Variants in XKRX observed in about 807,000 individuals in gnomAD.
XKRX encodes XK related X-linked.
In XKRX, 11 loss-of-function variants were observed where a neutral mutation model predicts 22.4. That is an observed-to-expected ratio of 0.49 (90% CI 0.31 to 0.81). XKRX has a LOEUF of 0.81. XKRX is among the 40% of genes least tolerant of loss of function. The pLI is 0.05. For synonymous variants in XKRX, 114 were observed against 132.2 expected, an observed-to-expected ratio of 0.86 and a Z score of 0.94; for missense variants, 320 against 336.5, an observed-to-expected ratio of 0.95 and a Z score of 0.38.
At chrX:100,930,325 A>AATAATAATAATG (rs1556209253), upstream of XKRX, among the ~76,000 whole-genome samples, 23 of 103,187 alleles carry the variant, frequency 2.2e-4, no homozygotes, top group African/African-American at 3.9e-4. Context: ...TAATAATAAT[A>AATAATAATAATG]ATGATGATTA....
intron 1 of XKRX, among the ~76,000 whole-genome samples, chrX:100,927,561 C>G (rs1354165484): frequency 9.0e-6 from 1 of 111,113 alleles, no homozygotes; most frequent in Admixed American, 9.6e-5. Context: ...TTCGCTTGAT[C>G]CCAGGAGATC....
At chrX:100,895,010 G>T in the XKRX span, among the ~76,000 whole-genome samples, 1 of 111,691 alleles carries the variant, frequency 9.0e-6, no homozygotes, top group East Asian at 2.8e-4. Flanking sequence ...GAATAATTCG[G>T]ATGTTAACTA....
At chrX:100,931,025 G>T (rs1031827138), upstream of XKRX, among the ~76,000 whole-genome samples, 3 of 109,006 alleles carry the variant, frequency 2.8e-5, no homozygotes, top group African/African-American at 1.0e-4. Flanking sequence ...CCAGCTACTC[G>T]GGAGGCTGAG....
At chrX:100,917,665 G>GAAAAA (rs780056515) in intron 2 of XKRX, among the ~76,000 whole-genome samples, 1 of 47,288 alleles carries the variant, frequency 2.1e-5, no homozygotes, top group East Asian at 5.8e-4. Context: ...AAGAAAGAAA[G>GAAAAA]AAAGAAAGAA....
At chrX:100,899,290 G>A in the XKRX span, among the ~76,000 whole-genome samples, 47 of 112,827 alleles carry the variant, frequency 4.2e-4, no homozygotes, top group Non-Finnish European at 1.9e-4. Flanking sequence ...CAAGGCAGGC[G>A]GATCACTTGA....
Position 100,928,829 on chromosome X carries a change from G to A in XKRX, c.-525C>T, listed in dbSNP as rs993997876. The A allele has an allele frequency of 5.3e-6, 4 of 754,542 alleles. No individual in the cohort carries two copies. The African/African-American group carries it at 9.3e-5, about 17-fold the overall frequency. The allele number at this position is 754,542 out of a possible 1,213,427, so 62.2% of individuals were successfully genotyped here. A position where few individuals can be genotyped will look rare whatever the true frequency, so the allele number is the denominator to read the frequency against. ...GCGCAGAAGAAGGAGGGCAGAAGAG[G>A]GGATTCAGTTCAGTGCCTAGGTATC... On this transcript the variant is annotated 5_prime_UTR_variant, in exon 1 of 3. Transcript: ENST00000372956.
the XKRX span, among the ~76,000 whole-genome samples, chrX:100,955,145 G>GA: frequency 2.7e-5 from 3 of 110,848 alleles, no homozygotes; most frequent in Non-Finnish European, 5.7e-5. Flanking sequence ...GACAGGAAAA[G>GA]AAAAAAAATT....
At chrX:100,911,383 C>G (rs1174951806), downstream of XKRX, 4 of 786,354 alleles carry the variant, frequency 5.1e-6, no homozygotes, top group Admixed American at 4.4e-5. Context: ...TAAATGTGAG[C>G]AAACTGGGAC....
At chrX:100,888,112 T>A in the XKRX span, 3 of 1,170,886 alleles carry the variant, frequency 2.6e-6, no homozygotes, top group African/African-American at 5.3e-5. Context: ...GGAATGACAA[T>A]CTTATCCATG....
chrX:100,907,831 A>T, the XKRX span, among the ~76,000 whole-genome samples: 13 of 111,671 alleles, frequency 1.2e-4, no homozygotes, highest in Non-Finnish European at 1.9e-4. Context: ...ATAATGTGTG[A>T]GAGTAACTGT....
chrX:100,945,136 G>A, the XKRX span, among the ~76,000 whole-genome samples: 3 of 107,619 alleles, frequency 2.8e-5, no homozygotes, highest in South Asian at 1.3e-3. Flanking sequence ...GGAGTGCAGT[G>A]GTGTGAACGT....
At chrX:100,958,776 G>C in the XKRX span, among the ~76,000 whole-genome samples, 4 of 111,820 alleles carry the variant, frequency 3.6e-5, no homozygotes, top group African/African-American at 1.3e-4. Flanking sequence ...TTACCATCAG[G>C]TCAATTCCTA....
the XKRX span, among the ~76,000 whole-genome samples, chrX:100,893,266 T>C: frequency 1.8e-3 from 202 of 111,910 alleles, 1 homozygote; most frequent in African/African-American, 6.3e-3. Flanking sequence ...ATGGTGACTA[T>C]AGTAAATAAT....
the XKRX span, among the ~76,000 whole-genome samples, chrX:100,951,123 A>C: frequency 9.3e-6 from 1 of 107,302 alleles, no homozygotes; most frequent in Non-Finnish European, 1.9e-5. Context: ...AATCCCAGCT[A>C]CTAGGGAGGC....
chrX:100,925,789 A>G (rs2085495312), intron 1 of XKRX, among the ~76,000 whole-genome samples: 1 of 112,367 alleles, frequency 8.9e-6, no homozygotes. Context: ...GGACCTTTAC[A>G]TCACCCAGTC....
Position 100,928,176 on chromosome X carries a change from C to G in XKRX, c.129G>C (p.Leu43Phe). Residue 43 changes from leucine (L) to phenylalanine (F), a missense_variant, in exon 1 of 3, where the codon TTG becomes TTC. Leu to Phe is a conservative substitution (Grantham distance 22, BLOSUM62 0). Transcript: ENST00000372956. The part of the protein sequence containing the change: ...FPFSILFSTF[L>F]YCGEAASALY... ...AAGCAGATGCAGCCTCCCCACAGTA[C>G]AAAAAGGTGGAGAAAAGGATGCTAA... The G allele has an allele frequency of 1.7e-6, 2 of 1,211,660 alleles. No individual in the cohort carries two copies. Among genetic ancestry groups the G allele is most frequent in the Non-Finnish European group, 2.2e-6 (2 of 895,493 alleles).
the XKRX span, among the ~76,000 whole-genome samples, chrX:100,951,736 A>G: frequency 1.8e-5 from 2 of 111,869 alleles, no homozygotes; most frequent in African/African-American, 6.5e-5. Context: ...ATCAGGAATA[A>G]AAGAGGATAA....
At chrX:100,956,666 G>A in the XKRX span, 5 of 549,431 alleles carry the variant, frequency 9.1e-6, no homozygotes, top group Middle Eastern at 3.2e-4. Flanking sequence ...ACCCTCTTCC[G>A]CCCTTTTGGA....
At chrX:100,930,742 T>C (rs1231429969), upstream of XKRX, among the ~76,000 whole-genome samples, 2 of 111,234 alleles carry the variant, frequency 1.8e-5, no homozygotes, top group Non-Finnish European at 3.8e-5. Flanking sequence ...CAGAACCTCT[T>C]GGGGCTGCTC....
Sources: allele counts gnomAD v4.1 joint callset (sites outside exome capture counted in the v4.1 genomes callset), GRCh38; gene constraint gnomAD v4.1.1; transcripts MANE v1.5; gene names NCBI Gene and HGNC (gene_info 2026-07-23, HGNC 2026-07-21).